Variants in RAB3C observed in about 807,000 individuals in gnomAD.
RAB3C encodes the protein RAB3C, member RAS oncogene family.
Under a neutral mutation model 26.4 loss-of-function variants are expected in RAB3C, and 17 were observed. The ratio of observed to expected loss-of-function variants is 0.64; its 90% CI spans 0.44 to 0.97. RAB3C has a LOEUF of 0.97. Ranked by LOEUF, RAB3C falls within the 50% of genes least tolerant of loss-of-function variation. The pLI is 0.00. For missense variants in RAB3C, 242 were observed against 281.9 expected, an observed-to-expected ratio of 0.86 and a Z score of 1.01; for synonymous variants, 91 against 95.9, an observed-to-expected ratio of 0.95 and a Z score of 0.30.
At chr5:58,614,548 AG>A (rs1273123663) in intron 1 of RAB3C, among the ~76,000 whole-genome samples, 1 of 152,014 alleles carries the variant, frequency 6.6e-6, no homozygotes, top group Non-Finnish European at 1.5e-5. Flanking sequence ...AATTCTTTAG[AG>A]GCTCTTCCTG....
intron 2 of RAB3C, among the ~76,000 whole-genome samples, chr5:58,621,118 G>T (rs546594896): frequency 4.6e-5 from 7 of 152,078 alleles, no homozygotes; most frequent in Admixed American, 1.3e-4. Flanking sequence ...GTATTTTTAT[G>T]CATTTATATT....
intron 3 of RAB3C, among the ~76,000 whole-genome samples, chr5:58,751,864 C>G (rs565331582): frequency 1.3e-5 from 2 of 152,224 alleles, no homozygotes; most frequent in African/African-American, 4.8e-5. Context: ...TGTTGATTTT[C>G]CTTCATTTGA....
intron 2 of RAB3C, among the ~76,000 whole-genome samples, chr5:58,698,164 T>C (rs1748759631): frequency 6.6e-6 from 1 of 152,218 alleles, no homozygotes; most frequent in African/African-American, 2.4e-5. Context: ...TAAAGGATTT[T>C]ATTTCTCCTT....
intron 3 of RAB3C, among the ~76,000 whole-genome samples, chr5:58,732,268 G>A (rs954885720): frequency 1.3e-5 from 2 of 151,068 alleles, no homozygotes. Flanking sequence ...TGAAAACCAA[G>A]GTAATAACCA....
At chr5:58,772,792 C>T (rs1184383140) in intron 3 of RAB3C, among the ~76,000 whole-genome samples, 1 of 152,014 alleles carries the variant, frequency 6.6e-6, no homozygotes, top group African/African-American at 2.4e-5. Flanking sequence ...TCTTAAATTG[C>T]TTAAAGATTA....
At chr5:58,821,760 G>A (rs1423371) in intron 3 of RAB3C, among the ~76,000 whole-genome samples, 31,875 of 152,072 alleles carry the variant, frequency 0.21, 3,554 homozygotes, top group Middle Eastern at 0.38. Flanking sequence ...AGGGGAATAT[G>A]CTGAAATAAA....
chr5:58,739,912 C>T (rs557590192), intron 3 of RAB3C, among the ~76,000 whole-genome samples: 36 of 152,208 alleles, frequency 2.4e-4, no homozygotes, highest in Non-Finnish European at 4.6e-4. Flanking sequence ...ATATTGAAAG[C>T]AATCATTAGT....
Position 58,612,520 on chromosome 5 carries a change from G to GTATATA in RAB3C, c.25-5101_25-5096dup, listed in dbSNP as rs200928384. ...TGTGTGTGTGTGTGTGTGTGTGTGT[G>GTATATA]TATATATATATATATATATATATAT... On this transcript the variant is annotated intron_variant, in intron 1 of 4. Coordinates refer to ENST00000282878, the MANE Select transcript of RAB3C (RefSeq NM_138453.4). Among the ~76,000 whole-genome samples, 102 of 79,154 alleles carry GTATATA rather than the reference G, an allele frequency of 1.3e-3. 1 individual carries two copies. Among genetic ancestry groups the GTATATA allele is most frequent in the Non-Finnish European group, 2.1e-3 (76 of 36,142 alleles). The allele number at this position is 79,154 out of a possible 152,430, so 51.9% of individuals were successfully genotyped here. A position where few individuals can be genotyped will look rare whatever the true frequency, so the allele number is the denominator to read the frequency against.
At chr5:58,791,969 C>T (rs1742533214) in intron 3 of RAB3C, among the ~76,000 whole-genome samples, 1 of 152,074 alleles carries the variant, frequency 6.6e-6, no homozygotes, top group African/African-American at 2.4e-5. Context: ...ATGATATTGG[C>T]CAGTAATAAC....
chr5:58,677,634 A>G lies in RAB3C; in HGVS notation c.253-48368A>G, dbSNP rs575093270. On this transcript the variant is annotated intron_variant, in intron 2 of 4. Transcript: ENST00000282878. ...ATAAAAATATTGACACCAATGCTCA[A>G]TAAATTTCTTTAAGATTGAATCACA... is the stretch of plus-strand genomic sequence containing the variant. Among the ~76,000 whole-genome samples the G allele has an allele frequency of 7.7e-4, 118 of 152,328 alleles. No individual in the cohort carries two copies. In the South Asian group the frequency reaches 0.016, roughly 21 times the overall value.
At chr5:58,626,753 C>A (rs1747060829) in intron 2 of RAB3C, among the ~76,000 whole-genome samples, 1 of 152,182 alleles carries the variant, frequency 6.6e-6, no homozygotes, top group Admixed American at 6.5e-5. Context: ...ATTATTATTT[C>A]TCTCAACAGC....
intron 2 of RAB3C, among the ~76,000 whole-genome samples, chr5:58,706,628 C>A (rs1326902186): frequency 6.6e-6 from 1 of 152,100 alleles, no homozygotes; most frequent in Admixed American, 6.5e-5. Context: ...CCTTCCAATA[C>A]CTCATTTTTG....
At chr5:58,600,419 T>C (rs189009376) in intron 1 of RAB3C, among the ~76,000 whole-genome samples, 20 of 152,280 alleles carry the variant, frequency 1.3e-4, no homozygotes, top group Admixed American at 5.2e-4. Context: ...GATTTGCAGA[T>C]TGCTTTTGGC....
At chr5:58,790,581 A>G (rs149880579) in intron 3 of RAB3C, among the ~76,000 whole-genome samples, 109 of 152,324 alleles carry the variant, frequency 7.2e-4, no homozygotes, top group African/African-American at 2.1e-3. Context: ...AGGCTCTACA[A>G]TAAAAATCAA....
At chr5:58,726,565 A>T (rs1281017778) in intron 3 of RAB3C, among the ~76,000 whole-genome samples, 3 of 151,890 alleles carry the variant, frequency 2.0e-5, no homozygotes, top group African/African-American at 7.3e-5. Context: ...TAACACCACC[A>T]CAGCAGAGTT....
At chr5:58,775,798 A>G (rs143038540) in intron 3 of RAB3C, among the ~76,000 whole-genome samples, 1,561 of 152,262 alleles carry the variant, frequency 0.01, 15 homozygotes, top group Non-Finnish European at 0.017. Flanking sequence ...TGCTAAGTGC[A>G]GTGGTGAAGC....
chr5:58,835,738 T>C (rs1296516127), intron 4 of RAB3C, among the ~76,000 whole-genome samples: 1 of 151,970 alleles, frequency 6.6e-6, no homozygotes, highest in African/African-American at 2.4e-5. Context: ...TTTTTCTTTT[T>C]TAACAAAAAA....
intron 2 of RAB3C, among the ~76,000 whole-genome samples, chr5:58,673,330 C>T (rs1212352527): frequency 6.6e-6 from 1 of 152,052 alleles, no homozygotes; most frequent in African/African-American, 2.4e-5. Flanking sequence ...TGATCCAAAA[C>T]AAAATTTTCA....
At chr5:58,631,336 TC>T (rs2111749074) in intron 2 of RAB3C, among the ~76,000 whole-genome samples, 1 of 152,190 alleles carries the variant, frequency 6.6e-6, no homozygotes, top group Non-Finnish European at 1.5e-5. Context: ...CTGGCAAAAT[TC>T]TGAAAAAGGG....
Sources: allele counts gnomAD v4.1 joint callset (sites outside exome capture counted in the v4.1 genomes callset), GRCh38; gene constraint gnomAD v4.1.1; transcripts MANE v1.5; gene names NCBI Gene and HGNC (gene_info 2026-07-23, HGNC 2026-07-21).